The following CLEC16A variants were observed in gnomAD, a reference collection of about 807,000 sequenced individuals.
The protein encoded by CLEC16A is C-type lectin domain containing 16A, also known as protein CLEC16A.
A neutral mutation model predicts 109.5 loss-of-function variants in CLEC16A; 51 were observed. The observed-to-expected ratio is 0.47, with a 90% CI of 0.37 to 0.59. The LOEUF is 0.59. CLEC16A is among the 20% of genes least tolerant of loss of function. CLEC16A has a pLI of 0.00. For missense variants in CLEC16A, 1,339 were observed against 1,394.0 expected, an observed-to-expected ratio of 0.96 and a Z score of 0.63; for synonymous variants, 673 against 564.2, an observed-to-expected ratio of 1.19 and a Z score of -2.73.
chr16:11,098,894 C>T (rs2050753590), intron 19 of CLEC16A, among the ~76,000 whole-genome samples: 1 of 152,234 alleles, frequency 6.6e-6, no homozygotes, highest in African/African-American at 2.4e-5. Flanking sequence ...TCAGACCCTG[C>T]TCATCCTCAG....
intron 19 of CLEC16A, among the ~76,000 whole-genome samples, chr16:11,091,902 G>C (rs947398727): frequency 6.6e-6 from 1 of 152,080 alleles, no homozygotes; most frequent in African/African-American, 2.4e-5. Context: ...TAAGTAACAG[G>C]TACTCAGCAG....
At chr16:11,128,781 C>T (rs1343763252) in intron 22 of CLEC16A, among the ~76,000 whole-genome samples, 2 of 152,104 alleles carry the variant, frequency 1.3e-5, no homozygotes, top group Admixed American at 6.5e-5. Flanking sequence ...AAACTTTTCA[C>T]CCTGCTTCCA....
rs577923192 is a variant in CLEC16A at position 10,982,356 on chromosome 16, C to T, written c.958-522C>T. ...CCTCCTGACGATGCTGTGGAATCCC[C>T]GTGTGCTAAAACCCACCACAGGGTC... is the stretch of plus-strand genomic sequence containing the variant. On this transcript the variant is annotated intron_variant, in intron 9 of 23. Transcript: ENST00000409790. Among the ~76,000 whole-genome samples the T allele has an allele frequency of 6.6e-5, 10 of 152,234 alleles. No individual in the cohort carries two copies. In the East Asian group the frequency reaches 1.2e-3, roughly 18 times the overall value.
chr16:11,126,099 A>G lies in CLEC16A; in HGVS notation c.2594A>G (p.Asp865Gly). Residue 865 changes from aspartate to glycine, a missense_variant, in exon 22 of 24, where the codon GAC becomes GGC. By Grantham distance (94) the Asp-to-Gly change is moderately conservative. Around this residue, in one of 3 missense-constraint regions of CLEC16A, gnomAD observed 1,061 missense variants for 1,006.8 expected, o/e 1.05. Transcript: ENST00000409790. ...GACCAGGGGCGCCGGGGCAGCAGCG[A>G]CCCCACAGTGCAGCGCTCCGTGTTT... ...FYDQGRRGSS[D>G]PTVQRSVFAS... is the part of the protein sequence containing the mutation. 1 of 1,613,150 alleles carries G rather than the reference A, an allele frequency of 6.2e-7. No individual in the cohort carries two copies. The highest frequency in any genetic ancestry group is 8.5e-7 in the Non-Finnish European group (1 of 1,179,736).
chr16:10,972,889 A>T (rs201921194), intron 6 of CLEC16A, 49 bp from the exon 7 acceptor site: 171 of 1,515,544 alleles, frequency 1.1e-4, no homozygotes, highest in Non-Finnish European at 1.4e-4. Context: ...ATCTTCCCCA[A>T]GTTATTTTTG....
rs929053136 is a variant in CLEC16A, at chr16:11,179,581, C to G, written c.*891C>G. On this transcript the variant is annotated 3_prime_UTR_variant, in exon 24 of 24. Coordinates refer to ENST00000409790, the MANE Select transcript of CLEC16A (RefSeq NM_015226.3). ...GCTTCCTCATTTCTCTTCACCAAAACCAAACAGAGACAGCTTCCAGCACCT... is the reference window on the plus strand; with the variant it reads ...GCTTCCTCATTTCTCTTCACCAAAAGCAAACAGAGACAGCTTCCAGCACCT... The G allele has an allele frequency of 5.9e-5, 9 of 152,216 alleles. No individual in the cohort carries two copies. The highest frequency in any genetic ancestry group is 2.2e-4 in the African/African-American group (9 of 41,452). 9.4% of individuals were successfully genotyped at this position (152,216 alleles called of 1,614,324 possible). A position where few individuals can be genotyped will look rare whatever the true frequency, so the allele number is the denominator to read the frequency against.
At chr16:10,949,249 T>C (rs2041597134) in intron 1 of CLEC16A, among the ~76,000 whole-genome samples, 1 of 152,214 alleles carries the variant, frequency 6.6e-6, no homozygotes, top group Admixed American at 6.5e-5. Context: ...ATTGCCATGT[T>C]GATTTTCTTA....
intron 22 of CLEC16A, among the ~76,000 whole-genome samples, chr16:11,156,050 A>C (rs2054502280): frequency 6.6e-6 from 1 of 152,104 alleles, no homozygotes. Context: ...ATGGGATAAG[A>C]GACTTGCTGG....
At chr16:11,116,112 A>G (rs2051969051) in intron 19 of CLEC16A, among the ~76,000 whole-genome samples, 1 of 152,070 alleles carries the variant, frequency 6.6e-6, no homozygotes, top group South Asian at 2.1e-4. Context: ...CAACTGGGCC[A>G]GATGTGGTAG....
At chr16:11,128,932 A>T (rs902165163) in intron 22 of CLEC16A, among the ~76,000 whole-genome samples, 1 of 152,158 alleles carries the variant, frequency 6.6e-6, no homozygotes, top group Non-Finnish European at 1.5e-5. Flanking sequence ...CTTAAATCAG[A>T]TTACGTCATA....
chr16:11,019,725 C>T (rs1216549131), intron 11 of CLEC16A, among the ~76,000 whole-genome samples: 1 of 150,064 alleles, frequency 6.7e-6, no homozygotes. Context: ...GCTGAGATTG[C>T]GCCACTGCCC....
At chr16:11,129,003 C>T (rs2053016599) in intron 22 of CLEC16A, among the ~76,000 whole-genome samples, 1 of 152,158 alleles carries the variant, frequency 6.6e-6, no homozygotes, top group Non-Finnish European at 1.5e-5. Flanking sequence ...CACATCTCTC[C>T]TTCTGATCTT....
intron 19 of CLEC16A, among the ~76,000 whole-genome samples, chr16:11,061,413 A>G (rs545240644): frequency 2.0e-5 from 3 of 152,366 alleles, no homozygotes; most frequent in Admixed American, 1.3e-4. Context: ...TGCTAAAGAA[A>G]GAAACTTGTA....
chr16:10,975,252 C>T (rs1337185182), intron 7 of CLEC16A, among the ~76,000 whole-genome samples: 2 of 152,030 alleles, frequency 1.3e-5, no homozygotes, highest in African/African-American at 4.8e-5. Context: ...TTGCTTGAAC[C>T]TAGGAGGTGG....
chr16:11,173,276 C>T (rs1391255155), intron 23 of CLEC16A, among the ~76,000 whole-genome samples: 4 of 152,102 alleles, frequency 2.6e-5, no homozygotes, highest in Admixed American at 1.3e-4. Flanking sequence ...CCATTTTCGC[C>T]GTTTTTCAGT....
At chr16:11,148,658 C>T (rs975815757) in intron 22 of CLEC16A, among the ~76,000 whole-genome samples, 5 of 152,210 alleles carry the variant, frequency 3.3e-5, no homozygotes, top group African/African-American at 4.8e-5. Flanking sequence ...TTATATTATG[C>T]GCCTCCGTTT....
chr16:10,985,574 T>G (rs1056759929), intron 10 of CLEC16A, among the ~76,000 whole-genome samples: 4 of 151,606 alleles, frequency 2.6e-5, no homozygotes, highest in Non-Finnish European at 5.9e-5. Context: ...TTGCATGATT[T>G]CCAAGCCTGA....
chr16:10,959,125 T>C (rs563326426), intron 2 of CLEC16A, among the ~76,000 whole-genome samples: 6 of 152,154 alleles, frequency 3.9e-5, no homozygotes, highest in Non-Finnish European at 5.9e-5. Flanking sequence ...TTTAACCTGG[T>C]TTCTTATTAG....
intron 14 of CLEC16A, 103 bp from the exon 15 acceptor site, chr16:11,042,151 G>T (rs2152854934): frequency 3.8e-6 from 3 of 783,144 alleles, no homozygotes; most frequent in Non-Finnish European, 6.3e-6. Flanking sequence ...TGAGCAGTTG[G>T]TCTATCATGT....
Sources: allele counts gnomAD v4.1 joint callset (sites outside exome capture counted in the v4.1 genomes callset), GRCh38; gene constraint gnomAD v4.1.1; regional missense constraint gnomAD v4.1.1; transcripts MANE v1.5; gene names NCBI Gene and HGNC (gene_info 2026-07-23, HGNC 2026-07-21).